Variants in PKHD1L1 observed in about 807,000 individuals in gnomAD.
PKHD1L1 encodes the protein PKHD1 like 1.
Under a neutral mutation model 462.9 loss-of-function variants are expected in PKHD1L1, and 434 were observed. The ratio of observed to expected loss-of-function variants is 0.94; its 90% CI spans 0.87 to 1.02. The LOEUF (loss-of-function observed/expected upper bound fraction) is 1.02. PKHD1L1 is among the 50% of genes least tolerant of loss of function. The pLI is 0.00. For synonymous variants in PKHD1L1, 1,781 were observed against 1,750.0 expected (o/e 1.02, Z -0.44); for missense variants, 5,202 against 5,096.1 (o/e 1.02, Z -0.63).
At chr8:109,449,229 C>A in intron 39 of PKHD1L1, 109 bp from the exon 40 acceptor site, 4 of 1,092,850 alleles carry the variant, frequency 3.7e-6, no homozygotes, top group Non-Finnish European at 5.0e-6. Context: ...AAAAACTCTT[C>A]ATTTAATGTA....
chr8:109,485,217 A>C, intron 58 of PKHD1L1, 44 bp downstream of exon 58: 1 of 1,408,806 alleles, frequency 7.1e-7, no homozygotes, highest in Admixed American at 2.3e-5. Flanking sequence ...AATTGTGTTG[A>C]AAGATTCACA....
chr8:109,383,424 A>ATATATAATATATAAATATATTATAAGT (rs1812271930), intron 4 of PKHD1L1, among the ~76,000 whole-genome samples: 1 of 121,854 alleles, frequency 8.2e-6, no homozygotes, highest in Non-Finnish European at 1.6e-5. Flanking sequence ...TATTATATAT[A>ATATATAATATATAAATATATTATAAGT]ATATATAATA....
chr8:109,382,962 C>G (rs1357448718), intron 4 of PKHD1L1, among the ~76,000 whole-genome samples: 1 of 147,658 alleles, frequency 6.8e-6, no homozygotes, highest in Non-Finnish European at 1.5e-5. Flanking sequence ...GTAAGAGCCA[C>G]TCAAAATTTA....
At chr8:109,454,087 A>T in intron 43 of PKHD1L1, 80 bp from the exon 44 acceptor site, 1 of 766,712 alleles carries the variant, frequency 1.3e-6, no homozygotes, top group Non-Finnish European at 2.1e-6. Context: ...TAATTATGTT[A>T]AATTGTAATG....
At chr8:109,413,319 A>C in intron 20 of PKHD1L1, 102 bp from the exon 21 acceptor site, 1 of 831,168 alleles carries the variant, frequency 1.2e-6, no homozygotes, top group Non-Finnish European at 1.7e-6. Context: ...TTTATGTAGA[A>C]AATGCTCAAT....
chr8:109,478,746 C>T (rs1445049740), intron 53 of PKHD1L1, among the ~76,000 whole-genome samples: 1 of 152,082 alleles, frequency 6.6e-6, no homozygotes, highest in African/African-American at 2.4e-5. Flanking sequence ...ATTTAGATTG[C>T]TCTAGGCCAG....
chr8:109,370,512 TTTATTA>T (rs912321237), intron 2 of PKHD1L1, among the ~76,000 whole-genome samples: 13 of 151,630 alleles, frequency 8.6e-5, no homozygotes, highest in African/African-American at 3.1e-4. Context: ...TTTTTTTAAT[TTTATTA>T]TTATTATACT....
At chr8:109,470,902 G>C in intron 50 of PKHD1L1, 1 of 1,574,406 alleles carries the variant, frequency 6.4e-7, no homozygotes, top group South Asian at 1.1e-5. Context: ...GTAGAGGATG[G>C]GAAGCCTGGG....
At chr8:109,437,835 C>T (rs1815521199) in intron 30 of PKHD1L1, among the ~76,000 whole-genome samples, 1 of 151,952 alleles carries the variant, frequency 6.6e-6, no homozygotes, top group African/African-American at 2.4e-5. Context: ...TTGGGAATCG[C>T]ATGGATACTA....
chr8:109,419,855 A>G (rs938635456), intron 22 of PKHD1L1, among the ~76,000 whole-genome samples: 1 of 152,192 alleles, frequency 6.6e-6, no homozygotes, highest in African/African-American at 2.4e-5. Flanking sequence ...TTTGAGAGGA[A>G]CATTAGAATC....
Position 109,382,476 on chromosome 8 carries a change from G to C in PKHD1L1, c.322G>C (p.Asp108His). The C allele has an allele frequency of 6.2e-7, 1 of 1,604,476 alleles. No homozygotes were observed. The highest frequency in any genetic ancestry group is 8.5e-7 in the Non-Finnish European group (1 of 1,175,750). The change falls in exon 4 of 78, where the codon GAT becomes CAT. Residue 108 changes from aspartate (D) to histidine (H), a missense_variant. Asp to His is a moderately conservative substitution (Grantham distance 81). Transcript: ENST00000378402. Reference sequence around the variant, plus strand: ...TTTTCTTTATAGAGCAATGCCGGAAGATTCCTACACTGTTAGAGTCAGTGT... The same window carrying C: ...TTTTCTTTATAGAGCAATGCCGGAACATTCCTACACTGTTAGAGTCAGTGT... ...ITCYTRAMPEDSYTVRVSVDG... is the reference protein window; with the variant it reads ...ITCYTRAMPEHSYTVRVSVDG...
At position 109,465,255 on chromosome 8, in the gene PKHD1L1, T is replaced by A; in HGVS notation, c.8413+10T>A. 6.2e-7 allele frequency: 1 copy of A among 1,600,736 alleles called. No individual in the cohort carries two copies. The highest frequency in any genetic ancestry group is 8.5e-7 in the Non-Finnish European group (1 of 1,172,916). On this transcript the variant is annotated intron_variant, in intron 49 of 77. Transcript: ENST00000378402. ...GATGGCTCACTTACAGGTAATGTTA[T>A]TTTTTAATTTGTGATAAAAATCCAT...
At chr8:109,491,473 A>G (rs1818822947) in intron 61 of PKHD1L1, among the ~76,000 whole-genome samples, 3 of 151,876 alleles carry the variant, frequency 2.0e-5, no homozygotes, top group African/African-American at 7.2e-5. Context: ...TTTAAATTTA[A>G]TACTCCTCAC....
Position 109,406,387 on chromosome 8 carries a change from C to A in PKHD1L1, c.1722C>A (p.Asp574Glu). The change falls in exon 17 of 78, where the codon GAC becomes GAA. Residue 574 changes from aspartate (D) to glutamate (E), a missense_variant. Transcript: ENST00000378402. ...SEFILQSALNDLWSIKPDTVQ... is the reference protein window; with the variant it reads ...SEFILQSALNELWSIKPDTVQ... ...TCATACTGCAATCAGCCTTGAATGA[C>A]CTCTGGTCTATAAAACCGGACACAG... 2 of 1,569,334 alleles carry A rather than the reference C, an allele frequency of 1.3e-6. No individual in the cohort carries two copies. The highest frequency in any genetic ancestry group is 1.7e-6 in the Non-Finnish European group (2 of 1,155,880).
At chr8:109,485,535 G>A (rs10107961) in intron 58 of PKHD1L1, among the ~76,000 whole-genome samples, 3 of 151,892 alleles carry the variant, frequency 2.0e-5, no homozygotes, top group South Asian at 4.1e-4. Context: ...AGTCTTTAGC[G>A]GTAAATGCAT....
intron 27 of PKHD1L1, among the ~76,000 whole-genome samples, chr8:109,432,724 G>T (rs1184292156): frequency 1.3e-5 from 2 of 152,140 alleles, no homozygotes; most frequent in Non-Finnish European, 2.9e-5. Flanking sequence ...TAATTGCATG[G>T]TTTATCCTTT....
Position 109,456,331 on chromosome 8 carries a change from T to A in PKHD1L1, c.6944T>A (p.Leu2315Ter), listed in dbSNP as rs2130803552. 2.5e-6 allele frequency: 4 copies of A among 1,611,676 alleles called. No individual in the cohort carries two copies. The highest frequency in any genetic ancestry group is 3.4e-6 in the Non-Finnish European group (4 of 1,178,796). The change falls in exon 46 of 78, where the codon TTA (leucine) becomes TAA (stop). Residue 2315 changes from leucine (L) to a stop codon, truncating the protein, a stop_gained. Transcript: ENST00000378402. LOFTEE classifies it high-confidence loss of function. ...TAKAGERILI[L>*]QEAVTWKPGD... ...AAGGCAGGGGAAAGAATTTTAATTT[T>A]ACAAGAAGCAGTAACATGGAAACCA...
intron 71 of PKHD1L1, among the ~76,000 whole-genome samples, chr8:109,513,311 A>G (rs181385409): frequency 2.0e-5 from 3 of 152,222 alleles, no homozygotes; most frequent in Middle Eastern, 3.4e-3. Context: ...TTTGCCCTAA[A>G]TTTTTACATA....
At chr8:109,520,705 G>C (rs1340517189) in intron 73 of PKHD1L1, among the ~76,000 whole-genome samples, 3 of 152,106 alleles carry the variant, frequency 2.0e-5, no homozygotes, top group African/African-American at 2.4e-5. Context: ...CTTTTATATA[G>C]TATCAGGATA....
Sources: gnomAD v4.1 joint callset for allele counts (sites outside exome capture counted in the v4.1 genomes callset) on GRCh38, gnomAD v4.1.1 for gene constraint, MANE v1.5 for transcripts, NCBI Gene and HGNC (gene_info 2026-07-23, HGNC 2026-07-21) for gene names.